MACROD2: variants seen among roughly 807,000 people sequenced by gnomAD.
The protein encoded by MACROD2 is mono-ADP ribosylhydrolase 2, also known as ADP-ribose glycohydrolase MACROD2.
Under a neutral mutation model 70.4 loss-of-function variants are expected in MACROD2, and 36 were observed. The observed-to-expected ratio is 0.51, with a 90% CI of 0.39 to 0.68. The LOEUF (loss-of-function observed/expected upper bound fraction) is 0.68, where lower values mean the gene tolerates loss of function less well. Ranked by LOEUF, MACROD2 falls within the 30% of genes least tolerant of loss-of-function variation. MACROD2 has a pLI of 0.00. For missense variants in MACROD2, 496 were observed against 538.4 expected (o/e 0.92, Z 0.78); for synonymous variants, 172 against 178.8 (o/e 0.96, Z 0.30).
intron 3 of MACROD2, among the ~76,000 whole-genome samples, chr20:14,350,399 CCTGT>C (rs2083111727): frequency 1.3e-5 from 2 of 151,896 alleles, no homozygotes; most frequent in African/African-American, 2.4e-5. Context: ...TTTATTATTG[CCTGT>C]CTTTTGGATA....
At chr20:14,043,313 C>T (rs549041199) in intron 2 of MACROD2, among the ~76,000 whole-genome samples, 68 of 152,258 alleles carry the variant, frequency 4.5e-4, no homozygotes, top group Admixed American at 1.0e-3. Flanking sequence ...GCTGAAGTGG[C>T]TTACAGAACA....
At chr20:14,746,009 T>C (rs2071794988) in intron 5 of MACROD2, among the ~76,000 whole-genome samples, 2 of 151,946 alleles carry the variant, frequency 1.3e-5, no homozygotes, top group African/African-American at 4.8e-5. Context: ...ACCTCTGAAG[T>C]CCCCACACCC....
intron 5 of MACROD2, among the ~76,000 whole-genome samples, chr20:15,221,429 C>T (rs561834427): frequency 6.6e-6 from 1 of 152,202 alleles, no homozygotes; most frequent in African/African-American, 2.4e-5. Flanking sequence ...CACATTTCCT[C>T]TGAGACCCCT....
At chr20:15,537,552 C>T (rs962896659) in intron 8 of MACROD2, among the ~76,000 whole-genome samples, 1 of 147,544 alleles carries the variant, frequency 6.8e-6, no homozygotes, top group Non-Finnish European at 1.5e-5. Flanking sequence ...CAGCTCACTG[C>T]AACCTCCACC....
At chr20:15,147,939 AATT>A (rs1487750981) in intron 5 of MACROD2, among the ~76,000 whole-genome samples, 3 of 152,030 alleles carry the variant, frequency 2.0e-5, no homozygotes, top group African/African-American at 7.3e-5. Flanking sequence ...CAGGATAAGG[AATT>A]TCACAAGATA....
chr20:15,121,959 G>A (rs1389217482), intron 5 of MACROD2, among the ~76,000 whole-genome samples: 1 of 151,970 alleles, frequency 6.6e-6, no homozygotes, highest in Admixed American at 6.6e-5. Flanking sequence ...GTGGGGGTAG[G>A]GAGTTACTCA....
At chr20:15,470,880 C>G (rs1266637072) in intron 7 of MACROD2, among the ~76,000 whole-genome samples, 1 of 152,086 alleles carries the variant, frequency 6.6e-6, no homozygotes, top group Non-Finnish European at 1.5e-5. Flanking sequence ...GATCTCTTGT[C>G]CTCCCTCACT....
chr20:14,772,173 C>G (rs1252106814), intron 5 of MACROD2, among the ~76,000 whole-genome samples: 1 of 151,940 alleles, frequency 6.6e-6, no homozygotes, highest in South Asian at 2.1e-4. Context: ...GTACTTTTCC[C>G]CCTCTACCAT....
chr20:14,555,930 ATCT>A (rs1194376508), intron 4 of MACROD2, among the ~76,000 whole-genome samples: 1 of 152,186 alleles, frequency 6.6e-6, no homozygotes, highest in Non-Finnish European at 1.5e-5. Flanking sequence ...TGAGATTAAA[ATCT>A]TCTACTCAGC....
intron 6 of MACROD2, among the ~76,000 whole-genome samples, chr20:15,347,867 G>C (rs1229907500): frequency 6.6e-6 from 1 of 152,152 alleles, no homozygotes; most frequent in South Asian, 2.1e-4. Context: ...ATGAATAAGT[G>C]AGTGAATGAA....
intron 8 of MACROD2, among the ~76,000 whole-genome samples, chr20:15,601,426 G>A (rs1486701075): frequency 6.6e-6 from 1 of 151,344 alleles, no homozygotes; most frequent in Admixed American, 6.6e-5. Context: ...CAGCTGAAAT[G>A]AACAAAAAAG....
chr20:14,523,577 G>A (rs1205285306), intron 4 of MACROD2: 2 of 152,064 alleles, frequency 1.3e-5, no homozygotes, highest in Non-Finnish European at 2.9e-5. Context: ...GGCTCCTGTT[G>A]GGCCTCACTG....
chr20:16,004,041 A>C (rs1019219633), intron 15 of MACROD2, among the ~76,000 whole-genome samples: 1 of 152,122 alleles, frequency 6.6e-6, no homozygotes. Flanking sequence ...CTTGAGAACC[A>C]CTGGCAAAGC....
chr20:15,292,117 C>T (rs1028705986), intron 6 of MACROD2, among the ~76,000 whole-genome samples: 5 of 152,112 alleles, frequency 3.3e-5, no homozygotes, highest in Non-Finnish European at 7.3e-5. Flanking sequence ...CTCAAGTGAT[C>T]CTCCCATCTC....
intron 3 of MACROD2, among the ~76,000 whole-genome samples, chr20:14,204,057 A>T (rs2081502723): frequency 6.6e-6 from 1 of 152,030 alleles, no homozygotes; most frequent in Non-Finnish European, 1.5e-5. Flanking sequence ...CAATGGAGGG[A>T]CTGTCCTAAG....
chr20:14,129,825 G>A (rs2054695621), intron 3 of MACROD2, among the ~76,000 whole-genome samples: 1 of 152,226 alleles, frequency 6.6e-6, no homozygotes, highest in Non-Finnish European at 1.5e-5. Context: ...GCATGTTTTG[G>A]CAATAAAGTA....
intron 15 of MACROD2, among the ~76,000 whole-genome samples, chr20:16,010,311 GA>G (rs2066846459): frequency 6.6e-6 from 1 of 152,044 alleles, no homozygotes; most frequent in Non-Finnish European, 1.5e-5. Flanking sequence ...GCTCCCACAG[GA>G]CCAGCATCTT....
chr20:15,406,605 C>T (rs1446160328), intron 6 of MACROD2, among the ~76,000 whole-genome samples: 1 of 152,040 alleles, frequency 6.6e-6, no homozygotes, highest in East Asian at 1.9e-4. Context: ...TTTTAAAATG[C>T]CTTCATCTTG....
intron 3 of MACROD2, among the ~76,000 whole-genome samples, chr20:14,396,509 C>A (rs577698089): frequency 6.6e-6 from 1 of 152,242 alleles, no homozygotes; most frequent in Non-Finnish European, 1.5e-5. Flanking sequence ...ACTTTTATAG[C>A]CGTTCCGATT....
Sources: allele counts gnomAD v4.1 joint callset (sites outside exome capture counted in the v4.1 genomes callset), GRCh38; gene constraint gnomAD v4.1.1; transcripts MANE v1.5; gene names NCBI Gene and HGNC (gene_info 2026-07-23, HGNC 2026-07-21).